The following ADAMTS13 variants were observed in gnomAD, a reference collection of about 807,000 sequenced individuals.
The protein encoded by ADAMTS13 is A disintegrin and metalloproteinase with thrombospondin motifs 13.
ADAMTS13 carries 110 observed loss-of-function variants against 155.1 expected under a neutral mutation model. That is an observed-to-expected ratio of 0.71 (90% CI 0.61 to 0.83). ADAMTS13 has a LOEUF of 0.83. ADAMTS13 is among the 40% of genes least tolerant of loss of function. The pLI, the probability that ADAMTS13 is intolerant of heterozygous loss-of-function variation, is 0.00. For missense variants in ADAMTS13, 1,707 were observed against 1,891.7 expected, an observed-to-expected ratio of 0.90 and a Z score of 1.81; for synonymous variants, 758 against 756.4, an observed-to-expected ratio of 1.00 and a Z score of -0.03.
upstream of ADAMTS13, chr9:133,422,308 A>C: frequency 1.2e-6 from 1 of 854,562 alleles, no homozygotes; most frequent in Non-Finnish European, 1.9e-6. Flanking sequence ...CCCTGGCAGG[A>C]AGCTTCCAAG....
At position 133,422,462 on chromosome 9, in the gene ADAMTS13, C is replaced by A. The variant is rs34024143; in HGVS notation, c.19C>A (p.Arg7=). 2 of 1,613,842 alleles carry A rather than the reference C, an allele frequency of 1.2e-6. No homozygotes were observed. Among genetic ancestry groups the A allele is most frequent in the Non-Finnish European group, 8.5e-7 (1 of 1,180,002 alleles). Residue 7 remains arginine (R), a synonymous_variant, in exon 1 of 29, where the codon CGG becomes AGG. Coordinates refer to ENST00000355699, the MANE Select transcript of ADAMTS13 (RefSeq NM_139027.6). ...CCTGAGGATGCACCAGCGTCACCCC[C>A]GGGCAAGATGCCCTCCCCTCTGTGT... The part of the protein sequence containing the change: MHQRHP[R]ARCPPLCVAG...
Position 133,440,404 on chromosome 9 carries a change from C to T in ADAMTS13, c.1847C>T (p.Thr616Ile), listed in dbSNP as rs1242212284. ...AGKMSISPNT[T>I]YPSLLEDGRV... is the part of the protein sequence containing the mutation. ...AAGATGAGCATCTCCCCTAACACCA[C>T]CTACCCCTCCCTCCTGGAGGATGGT... is the stretch of plus-strand genomic sequence containing the variant. Residue 616 changes from threonine (T) to isoleucine (I), a missense_variant, in exon 16 of 29, where the codon ACC (threonine) becomes ATC (isoleucine). Transcript: ENST00000355699. The surrounding 1 kb of genome is among the most constrained non-coding windows in gnomAD (Gnocchi z 4.3). 2 of 1,613,834 alleles carry T rather than the reference C, an allele frequency of 1.2e-6. No individual in the cohort carries two copies. Among genetic ancestry groups the T allele is most frequent in the Admixed American group, 1.7e-5 (1 of 60,006 alleles).
Position 133,428,789 on chromosome 9 carries a change from G to T in ADAMTS13, c.824+18G>T. ...CTGCTCAGGTAGCGGCCGCCCCGTG[G>T]GAGGGGCGCGCGAGCCTCCAGCCAG... On this transcript the variant is annotated intron_variant, in intron 7 of 28. Transcript: ENST00000355699. 1.5e-6 allele frequency: 2 copies of T among 1,297,188 alleles called. No individual in the cohort carries two copies. The highest frequency in any genetic ancestry group is 4.3e-5 in the South Asian group (2 of 46,074). The allele number at this position is 1,297,188 out of a possible 1,614,324, so 80.4% of individuals were successfully genotyped here.
intron 11 of ADAMTS13, 39 bp from the exon 12 acceptor site, chr9:133,436,790 C>T: frequency 1.7e-6 from 1 of 580,936 alleles, no homozygotes; most frequent in Non-Finnish European, 3.0e-6. Context: ...CCGCCCCCCG[C>T]CCCACCGCCA....
chr9:133,439,593 TC>T, intron 15 of ADAMTS13, 147 bp downstream of exon 15: 1 of 746,268 alleles, frequency 1.3e-6, no homozygotes. Flanking sequence ...CTAGGAAGAC[TC>T]CCAGAGCTCA....
At chr9:133,446,897 G>T (rs1365954786) in intron 21 of ADAMTS13, among the ~76,000 whole-genome samples, 2 of 151,972 alleles carry the variant, frequency 1.3e-5, no homozygotes, top group African/African-American at 4.8e-5. Flanking sequence ...TCATTCTGTT[G>T]CCGAGGCTGG....
chr9:133,436,569 C>T (rs1841233283), intron 11 of ADAMTS13, among the ~76,000 whole-genome samples: 1 of 152,222 alleles, frequency 6.6e-6, no homozygotes, highest in Non-Finnish European at 1.5e-5. Flanking sequence ...AGCAGAGGCT[C>T]TGAGCGTAAT....
intron 11 of ADAMTS13, 53 bp from the exon 12 acceptor site, chr9:133,436,776 A>AGGGGGGGGTC: frequency 1.4e-6 from 1 of 715,604 alleles, no homozygotes. Context: ...CCCAGTGACA[A>AGGGGGGGGTC]CACCCGCCCC....
rs1051208879 is a variant in ADAMTS13, at chr9:133,424,914, G to A, written c.330+436G>A. Among the ~76,000 whole-genome samples, 1 of 152,212 alleles carries A rather than the reference G, an allele frequency of 6.6e-6. No homozygotes were observed. Among genetic ancestry groups the A allele is most frequent in the African/African-American group, 2.4e-5 (1 of 41,460 alleles). ...TCTGAAGTCTAAACAGAGACTGCTG[G>A]CAAAGGAGATGCCCACCTTCATTTC... On this transcript the variant is annotated intron_variant, in intron 3 of 28. Coordinates refer to ENST00000355699, the MANE Select transcript of ADAMTS13 (RefSeq NM_139027.6). This position sits in a 1 kb window ranked among gnomAD's most constrained non-coding sequence, Gnocchi z 4.3.
At chr9:133,455,245 G>A (rs782127409) in intron 24 of ADAMTS13, 40 bp from the exon 25 acceptor site, 2 of 1,593,770 alleles carry the variant, frequency 1.3e-6, no homozygotes, top group African/African-American at 1.3e-5. Context: ...GTCACCTTCT[G>A]GCAGGGTCAG....
chr9:133,423,340 C>T (rs587600988), intron 2 of ADAMTS13, among the ~76,000 whole-genome samples, 173 bp downstream of exon 2: 2 of 152,310 alleles, frequency 1.3e-5, no homozygotes, highest in African/African-American at 4.8e-5. Context: ...TTGATATAAG[C>T]TGGTCTGGGT....
At chr9:133,443,690 T>C (rs949880029) in intron 19 of ADAMTS13, 129 bp downstream of exon 19, 25 of 1,043,962 alleles carry the variant, frequency 2.4e-5, no homozygotes, top group Admixed American at 6.0e-5. Flanking sequence ...TCCAGGGTGA[T>C]GGGCAGTGTC....
upstream of ADAMTS13, chr9:133,417,503 A>G: frequency 9.3e-7 from 1 of 1,079,152 alleles, no homozygotes; most frequent in Non-Finnish European, 1.4e-6. Context: ...GCTGTTTACA[A>G]GATTTCGATT....
At chr9:133,438,496 G>A (rs1462313316) in intron 14 of ADAMTS13, 130 bp downstream of exon 14, 3 of 1,406,308 alleles carry the variant, frequency 2.1e-6, no homozygotes, top group Admixed American at 4.2e-5. Flanking sequence ...GATGCCTCCT[G>A]TGGTGTCAGC....
chr9:133,422,662 G>A, intron 1 of ADAMTS13, 114 bp downstream of exon 1: 5 of 1,042,894 alleles, frequency 4.8e-6, no homozygotes, highest in South Asian at 2.7e-5. Context: ...TGGGGTTTGC[G>A]CTGGGCAGGG....
rs587667620 is a variant in ADAMTS13 at position 133,449,002 on chromosome 9, C to T, written c.2861+274C>T. ...GGGGTGCTAGGTCTGCATCCTGGCT[C>T]TTTCCTCACCTCCAAGCCAGACCTT... On this transcript the variant is annotated intron_variant, in intron 22 of 28. Transcript: ENST00000355699. Among the ~76,000 whole-genome samples the T allele has an allele frequency of 1.1e-3, 166 of 152,324 alleles. 1 individual carries two copies. Among genetic ancestry groups the T allele is most frequent in the East Asian group, 7.7e-4 (4 of 5,176 alleles).
At position 133,433,462 on chromosome 9, in the gene ADAMTS13, C is replaced by G. The variant is rs782570540; in HGVS notation, c.1177C>G (p.Arg393Gly). The part of the protein sequence containing the change: ...VHGRWSSWGP[R>G]SPCSRSCGGG... Reference sequence around the variant, plus strand: ...TGGGCGCTGGTCTAGCTGGGGTCCCCGAAGTCCTTGCTCCCGCTCCTGCGG... The same window carrying G: ...TGGGCGCTGGTCTAGCTGGGGTCCCGGAAGTCCTTGCTCCCGCTCCTGCGG... Residue 393 changes from arginine (R) to glycine (G), a missense_variant, in exon 10 of 29, where the codon CGA becomes GGA. Physicochemically the swap from Arg to Gly is moderately radical, Grantham distance 125. This residue lies in a region of ADAMTS13 where 733 missense variants were observed against 749.6 expected (regional missense o/e 0.98). Transcript: ENST00000355699. 3 of 1,613,586 alleles carry G rather than the reference C, an allele frequency of 1.9e-6. No homozygotes were observed. The highest frequency in any genetic ancestry group is 2.5e-6 in the Non-Finnish European group (3 of 1,179,974).
intron 27 of ADAMTS13, among the ~76,000 whole-genome samples, chr9:133,457,331 G>A (rs988541346): frequency 2.6e-5 from 4 of 152,186 alleles, no homozygotes; most frequent in Non-Finnish European, 4.4e-5. Flanking sequence ...TGGCAACAGG[G>A]GCTTAGCCTC....
At chr9:133,449,458 C>T (rs587640927) in intron 22 of ADAMTS13, among the ~76,000 whole-genome samples, 1 of 152,158 alleles carries the variant, frequency 6.6e-6, no homozygotes, top group Non-Finnish European at 1.5e-5. Flanking sequence ...GGGGTGGGCT[C>T]CAGGGCGGTG....
Sources: allele counts gnomAD v4.1 joint callset (sites outside exome capture counted in the v4.1 genomes callset), GRCh38; gene constraint gnomAD v4.1.1; regional missense constraint gnomAD v4.1.1; non-coding constraint Gnocchi (gnomAD v3.1); transcripts MANE v1.5; gene names NCBI Gene and HGNC (gene_info 2026-07-23, HGNC 2026-07-21).